Variants in ULK4 observed in about 807,000 individuals in gnomAD.
The protein encoded by ULK4 is inactive serine/threonine-protein kinase ULK4.
ULK4 carries 133 observed loss-of-function variants against 160.6 expected under a neutral mutation model. That is an observed-to-expected ratio of 0.83 (90% CI 0.72 to 0.96). The LOEUF is 0.96. Ranked by LOEUF, ULK4 falls within the 40% of genes least tolerant of loss-of-function variation. The pLI is 0.00. For missense variants in ULK4, 1,580 were observed against 1,499.5 expected (o/e 1.05, Z -0.89); for synonymous variants, 534 against 539.8 (o/e 0.99, Z 0.15).
chr3:41,458,125 G>A (rs535371372), intron 33 of ULK4, among the ~76,000 whole-genome samples: 2 of 152,098 alleles, frequency 1.3e-5, no homozygotes, highest in Non-Finnish European at 2.9e-5. Flanking sequence ...GTTCAGCTTT[G>A]GTCTATGGGG....
intron 21 of ULK4, among the ~76,000 whole-genome samples, chr3:41,756,202 C>A (rs996346893): frequency 2.6e-5 from 4 of 152,140 alleles, no homozygotes; most frequent in Non-Finnish European, 4.4e-5. Context: ...GCCCAATTAA[C>A]CCCAAGCTCT....
At chr3:41,922,144 C>G (rs192045045) in intron 5 of ULK4, among the ~76,000 whole-genome samples, 3 of 152,078 alleles carry the variant, frequency 2.0e-5, no homozygotes, top group Non-Finnish European at 4.4e-5. Context: ...CAGAGCAAGA[C>G]TCCATCGCAA....
At chr3:41,466,188 C>A (rs2083829380) in intron 32 of ULK4, among the ~76,000 whole-genome samples, 1 of 152,156 alleles carries the variant, frequency 6.6e-6, no homozygotes, top group Non-Finnish European at 1.5e-5. Context: ...CTGCTTCTGA[C>A]TGGGCATTAG....
intron 9 of ULK4, among the ~76,000 whole-genome samples, chr3:41,912,321 G>A (rs1023345427): frequency 4.2e-5 from 5 of 120,396 alleles, no homozygotes; most frequent in African/African-American, 1.5e-4. Context: ...AGAGTGAGAC[G>A]TTGTCTCAAA....
intron 35 of ULK4, among the ~76,000 whole-genome samples, chr3:41,311,641 T>C (rs751837549): frequency 1.2e-4 from 18 of 152,136 alleles, no homozygotes; most frequent in Non-Finnish European, 2.5e-4. Flanking sequence ...CAATCTCGAC[T>C]CACTGCAATC....
At chr3:41,687,139 C>G (rs1172732897) in intron 27 of ULK4, among the ~76,000 whole-genome samples, 1 of 152,086 alleles carries the variant, frequency 6.6e-6, no homozygotes, top group East Asian at 1.9e-4. Context: ...CTTTGGGAGG[C>G]CAAGGTGGGC....
intron 30 of ULK4, among the ~76,000 whole-genome samples, chr3:41,655,099 A>G (rs1374055682): frequency 2.0e-5 from 3 of 152,140 alleles, no homozygotes; most frequent in Middle Eastern, 3.4e-3. Flanking sequence ...GCTTGAGCCC[A>G]GGAGTTTGAG....
At chr3:41,308,116 T>A (rs1299953526) in intron 35 of ULK4, among the ~76,000 whole-genome samples, 1 of 152,100 alleles carries the variant, frequency 6.6e-6, no homozygotes, top group East Asian at 1.9e-4. Flanking sequence ...GAGCACTGAG[T>A]CCAAGCTAAA....
chr3:41,288,976 G>A (rs537141722), intron 35 of ULK4, among the ~76,000 whole-genome samples: 5 of 152,322 alleles, frequency 3.3e-5, no homozygotes, highest in African/African-American at 1.2e-4. Flanking sequence ...ACCTCTGCCT[G>A]TAGGGGCTCC....
intron 17 of ULK4, among the ~76,000 whole-genome samples, chr3:41,836,844 A>G (rs924039609): frequency 2.0e-5 from 3 of 152,218 alleles, no homozygotes; most frequent in African/African-American, 7.2e-5. Context: ...ACTCATTGCC[A>G]GAGTTCATAC....
intron 32 of ULK4, among the ~76,000 whole-genome samples, chr3:41,489,785 C>T (rs935997187): frequency 6.6e-6 from 1 of 152,126 alleles, no homozygotes; most frequent in East Asian, 1.9e-4. Flanking sequence ...GATGTCACCT[C>T]CTACCAGTCT....
At chr3:41,900,872 G>A (rs1359793728) in intron 12 of ULK4, 43 bp from the exon 13 acceptor site, 1 of 1,453,108 alleles carries the variant, frequency 6.9e-7, no homozygotes, top group Non-Finnish European at 9.6e-7. Context: ...TGCGACTAAT[G>A]TAGATCTTTA....
At chr3:41,489,358 T>C (rs565319216) in intron 32 of ULK4, among the ~76,000 whole-genome samples, 2 of 152,336 alleles carry the variant, frequency 1.3e-5, no homozygotes, top group African/African-American at 4.8e-5. Context: ...TGACTTGTAA[T>C]ATAATCCTTT....
chr3:41,269,385 G>T (rs1413660228), intron 35 of ULK4, among the ~76,000 whole-genome samples: 1 of 151,944 alleles, frequency 6.6e-6, no homozygotes, highest in Non-Finnish European at 1.5e-5. Context: ...GCCTATGGTA[G>T]ATAAATGAGC....
chr3:41,859,408 AGAGGGTT>A (rs1244762699), intron 17 of ULK4: 1 of 562,448 alleles, frequency 1.8e-6, no homozygotes, highest in Non-Finnish European at 3.6e-6. Context: ...TGGTCCAAAG[AGAGGGTT>A]GAGTTGGGCC....
At chr3:41,670,044 G>A (rs1265572295) in intron 29 of ULK4, among the ~76,000 whole-genome samples, 2 of 152,178 alleles carry the variant, frequency 1.3e-5, no homozygotes, top group African/African-American at 4.8e-5. Context: ...ACAATCTTCA[G>A]GTTAAAATGT....
intron 25 of ULK4, among the ~76,000 whole-genome samples, chr3:41,714,613 A>C (rs894627394): frequency 2.6e-5 from 4 of 152,200 alleles, no homozygotes; most frequent in African/African-American, 4.8e-5. Flanking sequence ...CTAAACAAAA[A>C]GAATTTTTGT....
chr3:41,748,946 G>A (rs2038518710), intron 22 of ULK4, among the ~76,000 whole-genome samples: 1 of 152,146 alleles, frequency 6.6e-6, no homozygotes, highest in Non-Finnish European at 1.5e-5. Flanking sequence ...TTGGCAGAAT[G>A]CTAAAGATCC....
chr3:41,398,237 C>A lies in ULK4; in HGVS notation c.3520G>T (p.Asp1174Tyr), dbSNP rs199989352. 6.2e-7 allele frequency: 1 copy of A among 1,610,648 alleles called. No homozygotes were observed. The highest frequency in any genetic ancestry group is 8.5e-7 in the Non-Finnish European group (1 of 1,179,070). Reference protein sequence around the residue: ...LLPNEDPEIFDVSSKCLSILV... With the variant: ...LLPNEDPEIFYVSSKCLSILV... ...ATAGACAGGCACTTGGATGAAACAT[C>A]AAAAATCTCAGGATCTTCATTAGGA... The change falls in exon 35 of 37, where the codon GAT becomes TAT. Residue 1174 changes from aspartate to tyrosine, a missense_variant. By Grantham distance (160) the Asp-to-Tyr change is radical. Coordinates refer to ENST00000301831, the MANE Select transcript of ULK4 (RefSeq NM_017886.4).
Sources: gnomAD v4.1 joint callset for allele counts (sites outside exome capture counted in the v4.1 genomes callset) on GRCh38, gnomAD v4.1.1 for gene constraint, MANE v1.5 for transcripts, NCBI Gene and HGNC (gene_info 2026-07-23, HGNC 2026-07-21) for gene names.